Variants in SPECC1 observed in about 807,000 individuals in gnomAD.
SPECC1 encodes the protein cytospin-B.
SPECC1 carries 62 observed loss-of-function variants against 104.1 expected under a neutral mutation model. The observed-to-expected ratio is 0.60, with a 90% CI of 0.49 to 0.74. SPECC1 has a LOEUF of 0.74. Among genes scored for constraint, SPECC1 ranks in the 30% least tolerant of loss-of-function variants. The pLI, the probability that SPECC1 is intolerant of heterozygous loss-of-function variation, is 0.00. For synonymous variants in SPECC1, 513 were observed against 501.6 expected, an observed-to-expected ratio of 1.02 and a Z score of -0.30; for missense variants, 1,306 against 1,310.5, an observed-to-expected ratio of 1.00 and a Z score of 0.05.
rs189143201 is a variant in SPECC1 at position 20,188,081 on chromosome 17, G to T, written c.284-16252G>T. On this transcript the variant is annotated intron_variant, in intron 3 of 14. Transcript: ENST00000395527. Reference sequence around the variant, plus strand: ...AGTGGAAGGGGCTGTCTAGTGGTGGGTTTCCTTTTACTGAAAATATTCAAT... The same window carrying T: ...AGTGGAAGGGGCTGTCTAGTGGTGGTTTTCCTTTTACTGAAAATATTCAAT... Among the ~76,000 whole-genome samples, 413 of 152,228 alleles carry T rather than the reference G, an allele frequency of 2.7e-3. 1 individual carries two copies. The highest frequency in any genetic ancestry group is 8.6e-3 in the African/African-American group (358 of 41,520).
At chr17:20,065,575 TC>T (rs2046330806) in intron 1 of SPECC1, among the ~76,000 whole-genome samples, 1 of 152,172 alleles carries the variant, frequency 6.6e-6, no homozygotes, top group Non-Finnish European at 1.5e-5. Context: ...TCCAGAAACT[TC>T]CAGGTGTTCA....
intron 12 of SPECC1, among the ~76,000 whole-genome samples, chr17:20,270,433 CAAAAAAAAAAAAAAAAAAAAAA>C (rs71157863): frequency 4.6e-5 from 2 of 43,550 alleles, no homozygotes; most frequent in East Asian, 7.6e-4. Flanking sequence ...CTGTCTTTAC[CAAAAAAAAAAAAAAAAAAAAAA>C]AAAAAAAAAA....
intron 1 of SPECC1, among the ~76,000 whole-genome samples, chr17:20,020,492 C>T (rs776377971): frequency 6.6e-6 from 1 of 152,116 alleles, no homozygotes; most frequent in Non-Finnish European, 1.5e-5. Flanking sequence ...TGCCACCACA[C>T]CTGGGTAATT....
At chr17:20,177,650 T>C (rs2034563165) in intron 3 of SPECC1, among the ~76,000 whole-genome samples, 1 of 152,246 alleles carries the variant, frequency 6.6e-6, no homozygotes, top group African/African-American at 2.4e-5. Context: ...TCCTATTGTA[T>C]ATATTACCAT....
intron 4 of SPECC1, among the ~76,000 whole-genome samples, chr17:20,226,213 T>C (rs1234763546): frequency 6.6e-6 from 1 of 152,190 alleles, no homozygotes; most frequent in Non-Finnish European, 1.5e-5. Context: ...AATAATAAAA[T>C]AATATAGTCA....
At chr17:20,093,880 G>T (rs1440909334) in intron 1 of SPECC1, among the ~76,000 whole-genome samples, 1 of 151,702 alleles carries the variant, frequency 6.6e-6, no homozygotes, top group Non-Finnish European at 1.5e-5. Flanking sequence ...ACAGGTGTGT[G>T]TCACCACGTC....
intron 5 of SPECC1, among the ~76,000 whole-genome samples, chr17:20,228,320 TG>T (rs1461867441): frequency 6.6e-6 from 1 of 152,162 alleles, no homozygotes; most frequent in Admixed American, 6.5e-5. Flanking sequence ...CTCAAAGCAC[TG>T]GGATTACAGG....
At chr17:20,034,247 A>T (rs1400314682) in intron 1 of SPECC1, among the ~76,000 whole-genome samples, 7 of 151,544 alleles carry the variant, frequency 4.6e-5, no homozygotes, top group Non-Finnish European at 1.0e-4. Flanking sequence ...ACAGGCATGC[A>T]CCATGACACC....
intron 3 of SPECC1, among the ~76,000 whole-genome samples, chr17:20,165,573 A>G (rs1202280227): frequency 2.0e-5 from 3 of 152,226 alleles, no homozygotes; most frequent in Non-Finnish European, 2.9e-5. Flanking sequence ...GTATATATTC[A>G]GTAATGGAAT....
At chr17:20,226,761 C>T (rs2526480) in intron 4 of SPECC1, among the ~76,000 whole-genome samples, 107,757 of 152,098 alleles carry the variant, frequency 0.71, 39,969 homozygotes, top group East Asian at 0.99. Flanking sequence ...TGTGTGCCTT[C>T]CGCCGACATT....
intron 12 of SPECC1, among the ~76,000 whole-genome samples, chr17:20,285,934 C>T (rs2040929643): frequency 6.6e-6 from 1 of 152,132 alleles, no homozygotes; most frequent in African/African-American, 2.4e-5. Flanking sequence ...CTGCCTCAGC[C>T]TTCCCAGTAG....
intron 3 of SPECC1, among the ~76,000 whole-genome samples, chr17:20,173,949 G>GA: frequency 6.7e-6 from 1 of 150,226 alleles, no homozygotes; most frequent in Admixed American, 6.6e-5. Flanking sequence ...TTGTTTTTGT[G>GA]GAGACGGAGT....
In SPECC1 at chr17:20,018,160, C is replaced by G. The variant is rs1323140507; in HGVS notation, c.-22+8736C>G. On this transcript the variant is annotated intron_variant, in intron 1 of 14. Coordinates refer to ENST00000395527, the MANE Select transcript of SPECC1 (RefSeq NM_001243439.2). Reference sequence around the variant, plus strand: ...TCTATCTGCTGTTACAAGTCTGTTCCTGGAAACCTGTTACCATTTCCTTCT... The same window carrying G: ...TCTATCTGCTGTTACAAGTCTGTTCGTGGAAACCTGTTACCATTTCCTTCT... The G allele has an allele frequency of 2.0e-5, 3 of 152,304 alleles. No homozygotes were observed. The East Asian group carries it at 5.8e-4, about 29-fold the overall frequency. 9.4% of individuals were successfully genotyped at this position (152,304 alleles called of 1,614,324 possible).
intron 2 of SPECC1, among the ~76,000 whole-genome samples, chr17:20,102,467 C>T (rs1226052726): frequency 6.6e-6 from 1 of 152,170 alleles, no homozygotes; most frequent in Non-Finnish European, 1.5e-5. Context: ...TCATACTTAT[C>T]CTGTTGTCTG....
rs1035968491 is a variant in SPECC1 at position 20,238,531 on chromosome 17, T to G, written c.2351+6126T>G. 8.0e-5 allele frequency: 83 copies of G among 1,042,236 alleles called. 1 individual carries two copies. The highest frequency in any genetic ancestry group is 8.7e-5 in the Non-Finnish European group (75 of 864,676). The allele number at this position is 1,042,236 out of a possible 1,614,324, so 64.6% of individuals were successfully genotyped here. On this transcript the variant is annotated intron_variant, in intron 7 of 14. Transcript: ENST00000395527. ...ATAAAAGGAAAATTAGGAACAGGAA[T>G]GCTCTTTAAACTCAGGAAGATCTTT...
At chr17:20,147,824 C>T (rs1039825266) in intron 3 of SPECC1, among the ~76,000 whole-genome samples, 1 of 152,224 alleles carries the variant, frequency 6.6e-6, no homozygotes, top group Non-Finnish European at 1.5e-5. Flanking sequence ...TTGCTGGAGG[C>T]CTGGAGTTCA....
chr17:20,138,220 C>T (rs752841654), intron 3 of SPECC1, among the ~76,000 whole-genome samples: 10 of 152,058 alleles, frequency 6.6e-5, no homozygotes, highest in Non-Finnish European at 1.3e-4. Context: ...CTGTAGCCTC[C>T]CAAAGTGCTG....
chr17:20,202,567 T>A (rs1226179977), intron 3 of SPECC1, among the ~76,000 whole-genome samples: 1 of 152,204 alleles, frequency 6.6e-6, no homozygotes, highest in African/African-American at 2.4e-5. Flanking sequence ...AAATACAGTA[T>A]GGTACTGCAA....
intron 9 of SPECC1, among the ~76,000 whole-genome samples, chr17:20,251,244 A>T (rs949579783): frequency 6.7e-6 from 1 of 150,348 alleles, no homozygotes; most frequent in African/African-American, 2.4e-5. Flanking sequence ...AAAAAAAAGC[A>T]TATGGTCATC....
Sources: allele counts gnomAD v4.1 joint callset (sites outside exome capture counted in the v4.1 genomes callset), GRCh38; gene constraint gnomAD v4.1.1; transcripts MANE v1.5; gene names NCBI Gene and HGNC (gene_info 2026-07-23, HGNC 2026-07-21).